SEL1L2: variants seen among roughly 807,000 people sequenced by gnomAD.
SEL1L2 encodes the protein SEL1L2 adaptor subunit of SYVN1 ubiquitin ligase.
Under a neutral mutation model 98.8 loss-of-function variants are expected in SEL1L2, and 89 were observed. That is an observed-to-expected ratio of 0.90 (90% CI 0.76 to 1.07). SEL1L2 has a LOEUF of 1.07. SEL1L2 is among the 50% of genes least tolerant of loss of function. The pLI, the probability that SEL1L2 is intolerant of heterozygous loss-of-function variation, is 0.00. For missense variants in SEL1L2, 788 were observed against 812.0 expected, an observed-to-expected ratio of 0.97 and a Z score of 0.36; for synonymous variants, 262 against 278.5, an observed-to-expected ratio of 0.94 and a Z score of 0.59.
rs773682692 is a variant in SEL1L2 at position 13,877,547 on chromosome 20, A to T, written c.999T>A (p.Ser333Arg). 1.2e-6 allele frequency: 2 copies of T among 1,613,266 alleles called. No homozygotes were observed. The highest frequency in any genetic ancestry group is 4.5e-5 in the East Asian group (2 of 44,864). ...TTCCTATAAATGCCATGGCATTTGC[A>T]CTCCCGGCCTTTGCTGCCTTTAAGA... ...HYFLKAAKAG[S>R]ANAMAFIGKM... Residue 333 changes from serine (S) to arginine (R), a missense_variant, in exon 11 of 20, where the codon AGT becomes AGA. Ser to Arg is a moderately radical substitution (Grantham distance 110, BLOSUM62 -1). Transcript: ENST00000284951.
intron 2 of SEL1L2, among the ~76,000 whole-genome samples, chr20:13,948,340 C>G (rs185560268): frequency 6.6e-6 from 1 of 151,968 alleles, no homozygotes; most frequent in African/African-American, 2.4e-5. Context: ...AGTTGGAGGT[C>G]TCAAATTTCT....
At position 13,859,305 on chromosome 20, in the gene SEL1L2, A is replaced by C; in HGVS notation, c.1775T>G (p.Phe592Cys). 6.2e-7 allele frequency: 1 copy of C among 1,614,192 alleles called. No individual in the cohort carries two copies. The highest frequency in any genetic ancestry group is 1.3e-5 in the African/African-American group (1 of 75,058). Reference protein sequence around the residue: ...ANKYHNAQAMFNLAYMYEHGL... With the variant: ...ANKYHNAQAMCNLAYMYEHGL... ...GTGTTCATACATATAAGCCAGATTG[A>C]ACATGGCTTGCGCGTTGTGGTATTT... The change falls in exon 18 of 20, where the codon TTC (phenylalanine) becomes TGC (cysteine). Residue 592 changes from phenylalanine (F) to cysteine (C), a missense_variant. Transcript: ENST00000284951.
In SEL1L2 at chr20:13,983,266, T is replaced by C. The variant is rs139183273; in HGVS notation, c.58+7211A>G. On this transcript the variant is annotated intron_variant, in intron 1 of 19. Coordinates refer to ENST00000284951, the MANE Select transcript of SEL1L2 (RefSeq NM_025229.2). ...TAGGCGAACGTAGAGTCAGGGACAA[T>C]TGAATAGTTATGTCCCCCTCAATAA... 5.0e-3 allele frequency among the ~76,000 whole-genome samples: 762 copies of C among 152,010 alleles called. 9 individuals carry two copies. Among genetic ancestry groups the C allele is most frequent in the African/African-American group, 0.017 (707 of 41,450 alleles).
intron 2 of SEL1L2, among the ~76,000 whole-genome samples, chr20:13,943,478 G>T (rs79496407): frequency 4.9e-5 from 1 of 20,334 alleles, no homozygotes; most frequent in African/African-American, 2.0e-4. Context: ...AAAGAGCTCT[G>T]GGTTTTTTTT....
At chr20:13,973,424 A>G (rs953735809) in intron 1 of SEL1L2, 2 of 152,178 alleles carry the variant, frequency 1.3e-5, no homozygotes, top group Admixed American at 1.3e-4. Flanking sequence ...CTGAGTCCTA[A>G]TGTCCTCGTG....
In SEL1L2 at chr20:13,849,386, C is replaced by A. The variant is rs1264342522; in HGVS notation, c.*99G>T. On this transcript the variant is annotated 3_prime_UTR_variant, in exon 20 of 20. Coordinates refer to ENST00000284951, the MANE Select transcript of SEL1L2 (RefSeq NM_025229.2). The stretch of plus-strand genomic sequence containing the variant: ...TCCCATCACAGCCCTGAGCGGGAAA[C>A]TGCAGCGGACTCTTGATTTGGATGG... 1 of 1,468,696 alleles carries A rather than the reference C, an allele frequency of 6.8e-7. No individual in the cohort carries two copies. Among genetic ancestry groups the A allele is most frequent in the African/African-American group, 1.4e-5 (1 of 72,198 alleles). The allele number at this position is 1,468,696 out of a possible 1,614,324, so 91.0% of individuals were successfully genotyped here.
At chr20:13,885,304 T>C (rs766335157) in intron 10 of SEL1L2, 43 bp downstream of exon 10, 2 of 1,320,524 alleles carry the variant, frequency 1.5e-6, no homozygotes, top group Non-Finnish European at 1.1e-6. Flanking sequence ...CCCTCACCAC[T>C]ACCTTCCCCA....
At chr20:13,958,259 AATTATT>A (rs2050630431) in intron 1 of SEL1L2, among the ~76,000 whole-genome samples, 1 of 152,126 alleles carries the variant, frequency 6.6e-6, no homozygotes, top group African/African-American at 2.4e-5. Flanking sequence ...AGGTATATAA[AATTATT>A]ATTATTATAT....
At chr20:13,863,934 C>A (rs1457663028) in intron 17 of SEL1L2, among the ~76,000 whole-genome samples, 1 of 148,242 alleles carries the variant, frequency 6.7e-6, no homozygotes, top group Non-Finnish European at 1.5e-5. Context: ...TGTGCCACTG[C>A]ACCCCAGCCT....
intron 5 of SEL1L2, among the ~76,000 whole-genome samples, chr20:13,911,473 G>T (rs1413219514): frequency 6.6e-6 from 1 of 152,104 alleles, no homozygotes; most frequent in Non-Finnish European, 1.5e-5. Context: ...GGTAACATTT[G>T]GTCTGTCTTG....
chr20:13,981,218 G>C (rs188705926), intron 1 of SEL1L2, among the ~76,000 whole-genome samples: 165 of 152,156 alleles, frequency 1.1e-3, no homozygotes, highest in Non-Finnish European at 1.9e-3. Flanking sequence ...CTCCAGCCTG[G>C]GCAACGAGAG....
chr20:13,891,804 AC>A (rs2047217226), intron 5 of SEL1L2, among the ~76,000 whole-genome samples: 1 of 152,140 alleles, frequency 6.6e-6, no homozygotes, highest in South Asian at 2.1e-4. Flanking sequence ...TCATCACTAG[AC>A]CTGCTTTGAA....
At chr20:13,991,829 C>T (rs970998424), upstream of SEL1L2, among the ~76,000 whole-genome samples, 4 of 152,080 alleles carry the variant, frequency 2.6e-5, no homozygotes, top group African/African-American at 9.7e-5. Flanking sequence ...CCCGTGTCTA[C>T]TAAAAATACA....
At chr20:13,892,448 TCA>T (rs1568915020) in intron 5 of SEL1L2, among the ~76,000 whole-genome samples, 1 of 43,942 alleles carries the variant, frequency 2.3e-5, no homozygotes, top group Non-Finnish European at 6.0e-5. Flanking sequence ...AGACTCCATC[TCA>T]AAAAAAAAAA....
intron 2 of SEL1L2, among the ~76,000 whole-genome samples, chr20:13,954,986 G>A (rs1361449168): frequency 6.6e-6 from 1 of 152,202 alleles, no homozygotes; most frequent in African/African-American, 2.4e-5. Context: ...AGAAAAGGTT[G>A]CAATGTACAG....
chr20:13,943,740 C>T (rs1330891093), intron 2 of SEL1L2, among the ~76,000 whole-genome samples: 1 of 152,148 alleles, frequency 6.6e-6, no homozygotes, highest in East Asian at 1.9e-4. Context: ...TTTGTAGACA[C>T]ATGATTACAT....
intron 2 of SEL1L2, among the ~76,000 whole-genome samples, chr20:13,955,458 T>C (rs941182466): frequency 6.6e-6 from 1 of 151,886 alleles, no homozygotes; most frequent in Non-Finnish European, 1.5e-5. Context: ...AGGAACAGCA[T>C]GGAGTCCAGT....
intron 18 of SEL1L2, among the ~76,000 whole-genome samples, chr20:13,852,043 A>T (rs918087827): frequency 6.6e-6 from 1 of 152,172 alleles, no homozygotes; most frequent in African/African-American, 2.4e-5. Context: ...TAAAAACCCT[A>T]ATTTGTGTCT....
rs1305942606 is a variant in SEL1L2, at chr20:13,933,518, G to C, written c.115-1747C>G. ...ACATTCATATGAATAGAATCATATAGTATGTGATTTTTGTGTGTGACTGGC... is the reference window on the plus strand; with the variant it reads ...ACATTCATATGAATAGAATCATATACTATGTGATTTTTGTGTGTGACTGGC... On this transcript the variant is annotated intron_variant, in intron 2 of 19. Transcript: ENST00000284951. Among the ~76,000 whole-genome samples, 3 of 152,268 alleles carry C rather than the reference G, an allele frequency of 2.0e-5. No homozygotes were observed. In the South Asian group the frequency reaches 6.2e-4, roughly 32 times the overall value.
Sources: gnomAD v4.1 joint callset for allele counts (sites outside exome capture counted in the v4.1 genomes callset) on GRCh38, gnomAD v4.1.1 for gene constraint, MANE v1.5 for transcripts, NCBI Gene and HGNC (gene_info 2026-07-23, HGNC 2026-07-21) for gene names.